Variants in SLC35D4 observed in about 807,000 individuals in gnomAD.
SLC35D4 encodes solute carrier family 35 member D4.
chr18:23,277,037 T>C, the SLC35D4 span, among the ~76,000 whole-genome samples: 3 of 152,344 alleles, frequency 2.0e-5, no homozygotes, highest in East Asian at 5.8e-4. Context: ...GCCATTTCTT[T>C]TTTCTCATGA....
chr18:23,252,873 G>A, the SLC35D4 span: 10 of 827,078 alleles, frequency 1.2e-5, no homozygotes, highest in Admixed American at 1.6e-4. Flanking sequence ...ATGGCTTTGG[G>A]AGTTGTAAGT....
At chr18:23,399,550 A>G in the SLC35D4 span, 1 of 1,612,866 alleles carries the variant, frequency 6.2e-7, no homozygotes. Context: ...GTTTCCCCTG[A>G]ACCTCTAATA....
At chr18:23,345,665 T>C in the SLC35D4 span, among the ~76,000 whole-genome samples, 1 of 152,204 alleles carries the variant, frequency 6.6e-6, no homozygotes, top group Admixed American at 6.5e-5. Context: ...TTTGTCAACA[T>C]TGTTTTGGCT....
the SLC35D4 span, among the ~76,000 whole-genome samples, chr18:23,246,651 A>T: frequency 2.6e-5 from 4 of 151,510 alleles, 1 homozygote; most frequent in African/African-American, 9.8e-5. Context: ...TTGGCCTCCC[A>T]AAGTGCTGGG....
chr18:23,347,860 A>G, the SLC35D4 span, among the ~76,000 whole-genome samples: 1 of 152,100 alleles, frequency 6.6e-6, no homozygotes, highest in East Asian at 1.9e-4. Flanking sequence ...ACTTTATTAT[A>G]TCCTTCCTTC....
the SLC35D4 span, among the ~76,000 whole-genome samples, chr18:23,374,609 C>A: frequency 3.2e-4 from 48 of 152,012 alleles, no homozygotes; most frequent in African/African-American, 1.1e-3. Context: ...CCTCAGCCTC[C>A]CGAGTAACTG....
chr18:23,310,238 G>A, the SLC35D4 span: 6 of 985,170 alleles, frequency 6.1e-6, no homozygotes, highest in African/African-American at 8.7e-5. Context: ...CCATCTTTCT[G>A]ATCCATGACA....
At chr18:23,390,348 G>T in the SLC35D4 span, among the ~76,000 whole-genome samples, 1 of 152,158 alleles carries the variant, frequency 6.6e-6, no homozygotes, top group Non-Finnish European at 1.5e-5. Context: ...AGGGAAAATG[G>T]CACAACATCA....
the SLC35D4 span, among the ~76,000 whole-genome samples, chr18:23,326,274 C>T: frequency 6.6e-6 from 1 of 152,150 alleles, no homozygotes; most frequent in Non-Finnish European, 1.5e-5. Context: ...GATAAAGAGT[C>T]AAGACCCATC....
chr18:23,349,225 T>C, the SLC35D4 span, among the ~76,000 whole-genome samples: 1 of 152,268 alleles, frequency 6.6e-6, no homozygotes, highest in African/African-American at 2.4e-5. Flanking sequence ...TTTCTTCAAA[T>C]ATTGTTCTAA....
At chr18:23,371,287 G>T in the SLC35D4 span, 1 of 627,892 alleles carries the variant, frequency 1.6e-6, no homozygotes, top group Non-Finnish European at 2.6e-6. Context: ...TAGAGATGGG[G>T]TTTCTCAAGG....
the SLC35D4 span, among the ~76,000 whole-genome samples, chr18:23,286,510 A>G: frequency 4.6e-5 from 7 of 151,916 alleles, no homozygotes; most frequent in African/African-American, 1.2e-4. Flanking sequence ...AGATCTTCTC[A>G]GCTTAGCGGC....
chr18:23,346,933 C>A, the SLC35D4 span, among the ~76,000 whole-genome samples: 1 of 152,102 alleles, frequency 6.6e-6, no homozygotes, highest in South Asian at 2.1e-4. Context: ...TAAGATTTTG[C>A]TAATATATTT....
the SLC35D4 span, among the ~76,000 whole-genome samples, chr18:23,293,119 C>T: frequency 1.3e-5 from 2 of 152,172 alleles, no homozygotes; most frequent in African/African-American, 4.8e-5. Flanking sequence ...TGGTGCATGC[C>T]TGTAATCCCA....
chr18:23,412,813 A>G, the SLC35D4 span, among the ~76,000 whole-genome samples: 1 of 152,198 alleles, frequency 6.6e-6, no homozygotes, highest in East Asian at 1.9e-4. Context: ...TGCTATTTCT[A>G]TGCTCTAACA....
At chr18:23,357,658 C>A in the SLC35D4 span, among the ~76,000 whole-genome samples, 1 of 152,160 alleles carries the variant, frequency 6.6e-6, no homozygotes, top group Non-Finnish European at 1.5e-5. Flanking sequence ...TTCACCACTA[C>A]GCTATTAATC....
At chr18:23,371,935 G>GTTTTTTTTTTTTCT in the SLC35D4 span, among the ~76,000 whole-genome samples, 1 of 35,480 alleles carries the variant, frequency 2.8e-5, no homozygotes, top group Non-Finnish European at 4.9e-5. Flanking sequence ...TGTTTTTTTT[G>GTTTTTTTTTTTTCT]TTTTTTTTTT....
chr18:23,418,790 G>A, the SLC35D4 span, among the ~76,000 whole-genome samples: 9 of 151,864 alleles, frequency 5.9e-5, no homozygotes, highest in African/African-American at 1.2e-4. Context: ...GGTGGATCAC[G>A]GAATCAGGAG....
At chr18:23,329,084 A>G in the SLC35D4 span, among the ~76,000 whole-genome samples, 4 of 152,222 alleles carry the variant, frequency 2.6e-5, no homozygotes, top group African/African-American at 9.7e-5. Flanking sequence ...TAAATGTTAG[A>G]CCTAAAACCA....
Sources: allele counts gnomAD v4.1 joint callset (sites outside exome capture counted in the v4.1 genomes callset), GRCh38; gene constraint gnomAD v4.1.1; transcripts MANE v1.5; gene names NCBI Gene and HGNC (gene_info 2026-07-23, HGNC 2026-07-21).